SPP1: variants seen among roughly 807,000 people sequenced by gnomAD.
The protein encoded by SPP1 is osteopontin.
In SPP1, 18 loss-of-function variants were observed where a neutral mutation model predicts 20.8. The observed-to-expected ratio is 0.87, with a 90% CI of 0.60 to 1.29. SPP1 has a LOEUF of 1.29. Ranked by LOEUF, SPP1 falls within the 50% of genes most tolerant of loss-of-function variation. The pLI, the probability that SPP1 is intolerant of heterozygous loss-of-function variation, is 0.00. For synonymous variants in SPP1, 146 were observed against 141.5 expected (o/e 1.03, Z -0.23); for missense variants, 363 against 389.0 (o/e 0.93, Z 0.56).
intron 2 of SPP1, 36 bp from the exon 3 acceptor site, chr4:87,977,022 AT>A (rs745469463): frequency 1.9e-6 from 3 of 1,613,748 alleles, no homozygotes; most frequent in Admixed American, 1.7e-5. Flanking sequence ...CTAGGAGGAC[AT>A]TCTTGTAATC....
Position 87,982,969 on chromosome 4 carries a change from A to G in SPP1, c.*73A>G. 7.3e-7 allele frequency: 1 copy of G among 1,363,880 alleles called. No homozygotes were observed. The highest frequency in any genetic ancestry group is 1.5e-5 in the South Asian group (1 of 67,396). The allele number at this position is 1,363,880 out of a possible 1,614,324, so 84.5% of individuals were successfully genotyped here. A position where few individuals can be genotyped will look rare whatever the true frequency, so the allele number is the denominator to read the frequency against. Reference sequence around the variant, plus strand: ...AATGCTTTATAGCAAAATGAAAGAGAACATGAAATGCTTCTTTCTCAGTTT... The same window carrying G: ...AATGCTTTATAGCAAAATGAAAGAGGACATGAAATGCTTCTTTCTCAGTTT... On this transcript the variant is annotated 3_prime_UTR_variant, in exon 7 of 7. Coordinates refer to ENST00000395080, the MANE Select transcript of SPP1 (RefSeq NM_001040058.2).
rs185004681 is a variant in SPP1, at chr4:87,978,972, C to G, written c.94-1074C>G. 1.5e-3 allele frequency among the ~76,000 whole-genome samples: 222 copies of G among 152,228 alleles called. 1 individual carries two copies. The highest frequency in any genetic ancestry group is 0.01 in the Middle Eastern group (3 of 294). ...CCACTCCTTTGCAGTAGCATATTAT[C>G]AGTATTTTCCAGATAAATAACTTGG... On this transcript the variant is annotated intron_variant, in intron 3 of 6. Coordinates refer to ENST00000395080, the MANE Select transcript of SPP1 (RefSeq NM_001040058.2).
At chr4:87,976,997 G>C (rs373948082) in intron 2 of SPP1, 48 bp downstream of exon 2, 12 of 1,612,754 alleles carry the variant, frequency 7.4e-6, no homozygotes, top group Non-Finnish European at 7.6e-6. Context: ...TAACTGAATT[G>C]TGTGCTTCCA....
intron 3 of SPP1, among the ~76,000 whole-genome samples, chr4:87,979,665 C>T (rs1725566950): frequency 1.3e-5 from 2 of 152,098 alleles, no homozygotes; most frequent in African/African-American, 4.8e-5. Context: ...AAAAAGAAAG[C>T]ACAGTGTGAA....
chr4:87,978,807 C>A (rs1241043145), intron 3 of SPP1, among the ~76,000 whole-genome samples: 2 of 152,166 alleles, frequency 1.3e-5, no homozygotes, highest in Non-Finnish European at 2.9e-5. Flanking sequence ...GACTGGTTCT[C>A]TCTCTACTCA....
At chr4:87,979,904 CA>C (rs201149454) in intron 3 of SPP1, 141 bp from the exon 4 acceptor site, 28,293 of 588,446 alleles carry the variant, frequency 0.048, no homozygotes, top group South Asian at 0.063. Context: ...AATGAATCTG[CA>C]AAAAAAAAAA....
At position 87,982,490 on chromosome 4, in the gene SPP1, A is replaced by C. The variant is rs1321010481; in HGVS notation, c.541-2A>C. On this transcript the variant is annotated splice_acceptor_variant, in intron 6 of 6. Coordinates refer to ENST00000395080, the MANE Select transcript of SPP1 (RefSeq NM_001040058.2). LOFTEE classifies it high-confidence loss of function. ...TTATTCTTCATTTGTGCCGTGATTC[A>C]GTACCCTGATGCTACAGACGAGGAC... 6.2e-7 allele frequency: 1 copy of C among 1,611,442 alleles called. No individual in the cohort carries two copies. Among genetic ancestry groups the C allele is most frequent in the South Asian group, 1.1e-5 (1 of 90,926 alleles).
rs61046842 is a variant in SPP1 at position 87,977,424 on chromosome 4, C to T, written c.93+327C>T. On this transcript the variant is annotated intron_variant, in intron 3 of 6. Transcript: ENST00000395080. The stretch of plus-strand genomic sequence containing the variant: ...ATACTGATCTAAAAGCAGAAAATTC[C>T]AGCTTTTGCTTTGTTTAGTGGATTG... Among the ~76,000 whole-genome samples the T allele has an allele frequency of 8.3e-3, 1,259 of 152,208 alleles. 17 individuals are homozygous for T. The highest frequency in any genetic ancestry group is 0.028 in the African/African-American group (1,169 of 41,526).
At chr4:87,978,228 C>T (rs761812137) in intron 3 of SPP1, among the ~76,000 whole-genome samples, 14 of 152,006 alleles carry the variant, frequency 9.2e-5, no homozygotes, top group Non-Finnish European at 1.3e-4. Flanking sequence ...ATTTTGCTTA[C>T]CTTTATTTTC....
In SPP1 at chr4:87,981,813, A is replaced by G. The variant is rs774367288; in HGVS notation, c.540+15A>G. On this transcript the variant is annotated intron_variant, in intron 6 of 6. Transcript: ENST00000395080. Reference sequence around the variant, plus strand: ...CTGACATCCAGGTAAATCCTTTAACAGACACACCTGATGGTTCTGACTAGC... The same window carrying G: ...CTGACATCCAGGTAAATCCTTTAACGGACACACCTGATGGTTCTGACTAGC... The G allele has an allele frequency of 6.2e-7, 1 of 1,609,832 alleles. No homozygotes were observed. The highest frequency in any genetic ancestry group is 1.3e-5 in the African/African-American group (1 of 74,870).
intron 3 of SPP1, 105 bp from the exon 4 acceptor site, chr4:87,979,941 C>G (rs1725576467): frequency 1.8e-6 from 2 of 1,116,438 alleles, no homozygotes; most frequent in Non-Finnish European, 2.6e-6. Flanking sequence ...CCTAAGGGTC[C>G]GGGTGACTAT....
chr4:87,982,421 G>A, intron 6 of SPP1, 71 bp from the exon 7 acceptor site: 4 of 1,524,596 alleles, frequency 2.6e-6, no homozygotes, highest in Non-Finnish European at 3.5e-6. Flanking sequence ...AAGCTAGAGA[G>A]TGGAAAAGGA....
chr4:87,979,785 A>G (rs547506829), intron 3 of SPP1, among the ~76,000 whole-genome samples: 2 of 152,284 alleles, frequency 1.3e-5, no homozygotes, highest in Admixed American at 6.5e-5. Flanking sequence ...GGTGGGAATA[A>G]TAATGATACC....
At position 87,976,852 on chromosome 4, in the gene SPP1, G is replaced by A. The variant is rs564564716; in HGVS notation, c.-14-30G>A. 1.2e-5 allele frequency: 18 copies of A among 1,553,002 alleles called. No individual in the cohort carries two copies. The African/African-American group carries it at 1.9e-4, about 16-fold the overall frequency. On this transcript the variant is annotated intron_variant, in intron 1 of 6. Coordinates refer to ENST00000395080, the MANE Select transcript of SPP1 (RefSeq NM_001040058.2). ...TATCACTGTTGTAACCTATGAAGAT[G>A]TCAGCTATTCCTTATGAAATATTTT...
In SPP1 at chr4:87,981,906, C is replaced by T; in HGVS notation, c.540+108C>T. 5 of 1,000,288 alleles carry T rather than the reference C, an allele frequency of 5.0e-6. No homozygotes were observed. In the South Asian group the frequency reaches 8.2e-5, roughly 16 times the overall value. 62.0% of individuals were successfully genotyped at this position (1,000,288 alleles called of 1,614,324 possible). A position where few individuals can be genotyped will look rare whatever the true frequency, so the allele number is the denominator to read the frequency against. On this transcript the variant is annotated intron_variant, in intron 6 of 6. Coordinates refer to ENST00000395080, the MANE Select transcript of SPP1 (RefSeq NM_001040058.2). Reference sequence around the variant, plus strand: ...TTCATCCATTCATTCATCCATTCAGCAAGAATTCATTCATATTCTACTTTA... The same window carrying T: ...TTCATCCATTCATTCATCCATTCAGTAAGAATTCATTCATATTCTACTTTA...
chr4:87,981,622 G>A lies in SPP1; in HGVS notation c.364G>A (p.Glu122Lys), dbSNP rs138638879. ...DDTDDSHQSD[E>K]SHHSDESDEL... Reference sequence around the variant, plus strand: ...CACTGATGATTCTCACCAGTCTGATGAGTCTCACCATTCTGATGAATCTGA... The same window carrying A: ...CACTGATGATTCTCACCAGTCTGATAAGTCTCACCATTCTGATGAATCTGA... The change falls in exon 6 of 7, where the codon GAG (glutamate) becomes AAG (lysine). Residue 122 changes from glutamate to lysine, a missense_variant. By Grantham distance (56) the Glu-to-Lys change is moderately conservative. Coordinates refer to ENST00000395080, the MANE Select transcript of SPP1 (RefSeq NM_001040058.2). 7.2e-4 allele frequency: 1,158 copies of A among 1,614,150 alleles called. 2 individuals carry two copies. Among genetic ancestry groups the A allele is most frequent in the Middle Eastern group, 9.9e-4 (6 of 6,060 alleles).
Position 87,982,894 on chromosome 4 carries a change from T to A in SPP1, c.943T>A (p.Ter315LysextTer12). 1 of 1,582,248 alleles carries A rather than the reference T, an allele frequency of 6.3e-7. No homozygotes were observed. Among genetic ancestry groups the A allele is most frequent in the Admixed American group, 1.9e-5 (1 of 53,452 alleles). ...ELDSASSEVN[*>K] ...AGATAGTGCATCTTCTGAGGTCAAT[T>A]AAAAGGAGAAAAAATACAATTTCTC... is the stretch of plus-strand genomic sequence containing the variant. The change falls in exon 7 of 7, where the codon TAA becomes AAA. Residue 315 changes from the stop codon to lysine (K), a stop_lost. Coordinates refer to ENST00000395080, the MANE Select transcript of SPP1 (RefSeq NM_001040058.2).
At chr4:87,981,427 G>C in intron 5 of SPP1, 48 bp from the exon 6 acceptor site, 1 of 1,541,294 alleles carries the variant, frequency 6.5e-7, no homozygotes, top group Non-Finnish European at 8.8e-7. Context: ...AAGGCTAAGG[G>C]AAAATAAAAA....
chr4:87,980,363 G>A, intron 4 of SPP1, 30 bp from the exon 5 acceptor site: 1 of 1,611,512 alleles, frequency 6.2e-7, no homozygotes, highest in Non-Finnish European at 8.5e-7. Flanking sequence ...CATGTGTGAT[G>A]CGCACTAACA....
Sources: gnomAD v4.1 joint callset for allele counts (sites outside exome capture counted in the v4.1 genomes callset) on GRCh38, gnomAD v4.1.1 for gene constraint, MANE v1.5 for transcripts, NCBI Gene and HGNC (gene_info 2026-07-23, HGNC 2026-07-21) for gene names.